PLSCR1: variants seen among roughly 807,000 people sequenced by gnomAD.
The protein encoded by PLSCR1 is PL scramblase 1.
PLSCR1 carries 17 observed loss-of-function variants against 37.8 expected under a neutral mutation model. That is an observed-to-expected ratio of 0.45 (90% CI 0.31 to 0.68). The LOEUF is 0.68. PLSCR1 is among the 30% of genes least tolerant of loss of function. The pLI, the probability that PLSCR1 is intolerant of heterozygous loss-of-function variation, is 0.06. For synonymous variants in PLSCR1, 116 were observed against 125.9 expected (o/e 0.92, Z 0.53); for missense variants, 347 against 380.9 (o/e 0.91, Z 0.74).
rs147714333 is a variant in PLSCR1 at position 146,517,326 on chromosome 3, T to C, written c.739-159A>G. 3,524 of 368,978 alleles carry C rather than the reference T, an allele frequency of 9.6e-3. 23 individuals are homozygous for C. The highest frequency in any genetic ancestry group is 0.013 in the Non-Finnish European group (2,688 of 208,108). 22.9% of individuals were successfully genotyped at this position (368,978 alleles called of 1,614,324 possible). Reference sequence around the variant, plus strand: ...GCTCCTGTATCTATTTATAGATATATGAAAAAAACTGTTTCATTGTACGGA... The same window carrying C: ...GCTCCTGTATCTATTTATAGATATACGAAAAAAACTGTTTCATTGTACGGA... On this transcript the variant is annotated intron_variant, in intron 7 of 8. Transcript: ENST00000342435.
intron 3 of PLSCR1, among the ~76,000 whole-genome samples, chr3:146,531,043 AAG>A (rs2044190829): frequency 6.6e-6 from 1 of 152,208 alleles, no homozygotes; most frequent in African/African-American, 2.4e-5. Flanking sequence ...AAATGCTTTC[AAG>A]TAAGAGACCA....
At position 146,525,677 on chromosome 3, in the gene PLSCR1, T is replaced by C. The variant is rs772936992; in HGVS notation, c.313-30A>G. 6.1e-6 allele frequency: 7 copies of C among 1,145,920 alleles called. No individual in the cohort carries two copies. In the East Asian group the frequency reaches 1.5e-4, roughly 24 times the overall value. 71.0% of individuals were successfully genotyped at this position (1,145,920 alleles called of 1,614,324 possible). A position where few individuals can be genotyped will look rare whatever the true frequency, so the allele number is the denominator to read the frequency against. ...AGCAGGAAAAAAAATAAGTGGTATGTATATGTCAAATGAAGGTTTTTATAA... is the reference window on the plus strand; with the variant it reads ...AGCAGGAAAAAAAATAAGTGGTATGCATATGTCAAATGAAGGTTTTTATAA... On this transcript the variant is annotated intron_variant, in intron 4 of 8. Coordinates refer to ENST00000342435, the MANE Select transcript of PLSCR1 (RefSeq NM_021105.3).
Position 146,521,817 on chromosome 3 carries a change from G to T in PLSCR1, c.576+16C>A. On this transcript the variant is annotated intron_variant, in intron 6 of 8. Coordinates refer to ENST00000342435, the MANE Select transcript of PLSCR1 (RefSeq NM_021105.3). ...CTGAACTATTTTACAAAGTGCCCTG[G>T]TAATTGATCACAGACCTCCTGAAGG... is the stretch of plus-strand genomic sequence containing the variant. 6.3e-7 allele frequency: 1 copy of T among 1,598,284 alleles called. No individual in the cohort carries two copies. The highest frequency in any genetic ancestry group is 8.6e-7 in the Non-Finnish European group (1 of 1,166,474).
intron 7 of PLSCR1, among the ~76,000 whole-genome samples, chr3:146,518,844 C>T (rs1238928499): frequency 6.6e-6 from 1 of 152,046 alleles, no homozygotes; most frequent in Non-Finnish European, 1.5e-5. Flanking sequence ...AAAATGTCAA[C>T]ATTTGGAAAT....
At chr3:146,519,516 T>C (rs2043990628) in intron 7 of PLSCR1, among the ~76,000 whole-genome samples, 1 of 152,054 alleles carries the variant, frequency 6.6e-6, no homozygotes, top group African/African-American at 2.4e-5. Flanking sequence ...TCACCTATAT[T>C]GGATAAAAGG....
At chr3:146,534,146 T>G (rs1429804958) in intron 2 of PLSCR1, among the ~76,000 whole-genome samples, 1 of 152,222 alleles carries the variant, frequency 6.6e-6, no homozygotes, top group Admixed American at 6.5e-5. Flanking sequence ...TGTTATTTGC[T>G]AATAAGGCTT....
intron 5 of PLSCR1, among the ~76,000 whole-genome samples, 162 bp from the exon 6 acceptor site, chr3:146,522,215 CA>C (rs141664813): frequency 6.7e-6 from 1 of 150,288 alleles, no homozygotes; most frequent in Non-Finnish European, 1.5e-5. Flanking sequence ...AGAAAAATGG[CA>C]AAAAAAAGGA....
At chr3:146,521,223 T>C (rs540528833) in intron 7 of PLSCR1, among the ~76,000 whole-genome samples, 1 of 152,318 alleles carries the variant, frequency 6.6e-6, no homozygotes, top group Non-Finnish European at 1.5e-5. Flanking sequence ...CAGACTTAGA[T>C]GGCAAGGTTA....
chr3:146,527,431 A>C (rs1320147449), intron 4 of PLSCR1, among the ~76,000 whole-genome samples: 1 of 152,242 alleles, frequency 6.6e-6, no homozygotes, highest in Non-Finnish European at 1.5e-5. Context: ...GTGCATTAAA[A>C]TGCCAGACTG....
At position 146,521,921 on chromosome 3, in the gene PLSCR1, C is replaced by G; in HGVS notation, c.488G>C (p.Arg163Thr). The change falls in exon 6 of 9, where the codon AGG becomes ACG. Residue 163 changes from arginine (R) to threonine (T), a missense_variant. By Grantham distance (71) the Arg-to-Thr change is moderately conservative (BLOSUM62 -1). Coordinates refer to ENST00000342435, the MANE Select transcript of PLSCR1 (RefSeq NM_021105.3). ...TTCTTGACCCATATTATCAATAATCCTCAAGGTAAAAGGTCTAGATGGCCC... is the reference window on the plus strand; with the variant it reads ...TTCTTGACCCATATTATCAATAATCGTCAAGGTAAAAGGTCTAGATGGCCC... The part of the protein sequence containing the change: ...CCGPSRPFTL[R>T]IIDNMGQEVI... The G allele has an allele frequency of 6.2e-7, 1 of 1,613,606 alleles. No individual in the cohort carries two copies.
Position 146,544,541 on chromosome 3 carries a change from C to T in PLSCR1, c.-88G>A, listed in dbSNP as rs1429956383. 6.6e-6 allele frequency: 1 copy of T among 152,382 alleles called. No individual in the cohort carries two copies. The highest frequency in any genetic ancestry group is 1.5e-5 in the Non-Finnish European group (1 of 68,156). The allele number at this position is 152,382 out of a possible 1,614,324, so 9.4% of individuals were successfully genotyped here. ...CGGGGCCAGGCGATGGCTTCCTCTT[C>T]TGCGCCTCTAGACTGCCGGGCACAG... is the stretch of plus-strand genomic sequence containing the variant. On this transcript the variant is annotated 5_prime_UTR_variant, in exon 1 of 9. Coordinates refer to ENST00000342435, the MANE Select transcript of PLSCR1 (RefSeq NM_021105.3).
chr3:146,541,436 C>T (rs957892751), intron 1 of PLSCR1, among the ~76,000 whole-genome samples: 10 of 152,126 alleles, frequency 6.6e-5, no homozygotes, highest in Non-Finnish European at 1.2e-4. Flanking sequence ...CACAAATTTG[C>T]TTCCTTTCCT....
chr3:146,527,302 T>C (rs1043403291), intron 4 of PLSCR1, among the ~76,000 whole-genome samples: 4 of 152,202 alleles, frequency 2.6e-5, no homozygotes, highest in Non-Finnish European at 4.4e-5. Flanking sequence ...CAATAATTTA[T>C]TGTATATTTT....
At chr3:146,539,436 T>C (rs2044309107) in intron 1 of PLSCR1, among the ~76,000 whole-genome samples, 1 of 152,220 alleles carries the variant, frequency 6.6e-6, no homozygotes, top group African/African-American at 2.4e-5. Context: ...AGACTGGTAC[T>C]GGTTGGTGAT....
intron 3 of PLSCR1, among the ~76,000 whole-genome samples, chr3:146,532,034 G>A (rs1235747568): frequency 6.6e-6 from 1 of 152,038 alleles, no homozygotes; most frequent in East Asian, 1.9e-4. Context: ...AATGACTAAA[G>A]CATGGTAAGA....
chr3:146,530,434 C>A (rs574213301), intron 3 of PLSCR1, among the ~76,000 whole-genome samples: 1 of 152,080 alleles, frequency 6.6e-6, no homozygotes, highest in East Asian at 1.9e-4. Flanking sequence ...AAGGAGGCAG[C>A]CTGCTGTCAG....
At chr3:146,534,103 T>C (rs1336104970) in intron 2 of PLSCR1, among the ~76,000 whole-genome samples, 1 of 152,214 alleles carries the variant, frequency 6.6e-6, no homozygotes, top group Non-Finnish European at 1.5e-5. Context: ...ACAAAAGCCA[T>C]GTTTAATTAC....
At chr3:146,534,159 G>A (rs886340561) in intron 2 of PLSCR1, among the ~76,000 whole-genome samples, 5 of 152,206 alleles carry the variant, frequency 3.3e-5, no homozygotes, top group Admixed American at 2.0e-4. Flanking sequence ...TAAGGCTTGA[G>A]TAAACTTAAT....
intron 7 of PLSCR1, 101 bp downstream of exon 7, chr3:146,521,443 T>C (rs180691605): frequency 1.5e-5 from 15 of 988,352 alleles, no homozygotes; most frequent in South Asian, 4.7e-5. Flanking sequence ...TATTGAGACA[T>C]TGGCACACAA....
Sources: gnomAD v4.1 joint callset for allele counts (sites outside exome capture counted in the v4.1 genomes callset) on GRCh38, gnomAD v4.1.1 for gene constraint, MANE v1.5 for transcripts, NCBI Gene and HGNC (gene_info 2026-07-23, HGNC 2026-07-21) for gene names.